Variants in OPRM1 observed in about 807,000 individuals in gnomAD.
The protein encoded by OPRM1 is mu-type opioid receptor.
A neutral mutation model predicts 31.8 loss-of-function variants in OPRM1; 27 were observed. The ratio of observed to expected loss-of-function variants is 0.85; its 90% CI spans 0.63 to 1.17. The LOEUF (loss-of-function observed/expected upper bound fraction) is 1.17. Ranked by LOEUF, OPRM1 falls within the 50% of genes most tolerant of loss-of-function variation. OPRM1 has a pLI of 0.00. For synonymous variants in OPRM1, 196 were observed against 189.9 expected (o/e 1.03, Z -0.26); for missense variants, 536 against 511.1 (o/e 1.05, Z -0.47).
At chr6:154,203,990 A>G (rs1777281313) in intron 3 of OPRM1, among the ~76,000 whole-genome samples, 1 of 152,210 alleles carries the variant, frequency 6.6e-6, no homozygotes, top group African/African-American at 2.4e-5. Flanking sequence ...CTCAGATAAA[A>G]GTATTATTTT....
At chr6:154,061,260 T>G (rs113237866) in intron 1 of OPRM1, among the ~76,000 whole-genome samples, 2 of 152,090 alleles carry the variant, frequency 1.3e-5, no homozygotes, top group Admixed American at 1.3e-4. Context: ...TAGAACAAAT[T>G]TGGAATAATT....
At chr6:154,078,468 G>A (rs944321775) in intron 1 of OPRM1, among the ~76,000 whole-genome samples, 6 of 152,170 alleles carry the variant, frequency 3.9e-5, no homozygotes, top group Admixed American at 3.9e-4. Context: ...GCAAATGACT[G>A]TCAATTCCAT....
intron 1 of OPRM1, among the ~76,000 whole-genome samples, chr6:154,076,912 G>A (rs1397902936): frequency 1.3e-5 from 2 of 151,398 alleles, no homozygotes; most frequent in African/African-American, 4.9e-5. Flanking sequence ...TAGAATTCAG[G>A]TCCATGAATG....
Position 154,168,586 on chromosome 6 carries a change from T to A in OPRM1, c.1164+77114T>A, listed in dbSNP as rs9478510. ...GGTTAGGACGTCAACATACGAATTT[T>A]ATTAATTAATTAATTAATTTTATTA... On this transcript the variant is annotated intron_variant, in intron 3 of 3. Transcript: ENST00000337049. The surrounding 1 kb of genome is among the most constrained non-coding windows in gnomAD (Gnocchi z 4.1). Among the ~76,000 whole-genome samples the A allele has an allele frequency of 0.083, 12,630 of 152,134 alleles. 737 individuals are homozygous for A. The highest frequency in any genetic ancestry group is 0.16 in the African/African-American group (6,529 of 41,484).
Position 154,221,243 on chromosome 6 carries a change from T to C in OPRM1, c.1165-25450T>C. 2.5e-6 allele frequency: 4 copies of C among 1,609,636 alleles called. No individual in the cohort carries two copies. In the South Asian group the frequency reaches 4.4e-5, roughly 18 times the overall value. ...TCCCATTAAGGATGGGGTTTACCAGTTTCCTCTACTTACACGTTCATTTCC... is the reference window on the plus strand; with the variant it reads ...TCCCATTAAGGATGGGGTTTACCAGCTTCCTCTACTTACACGTTCATTTCC... On this transcript the variant is annotated intron_variant, in intron 3 of 3. Coordinates refer to the OPRM1 transcript ENST00000337049.
intron 3 of OPRM1, among the ~76,000 whole-genome samples, chr6:154,202,137 C>T (rs950808): frequency 0.68 from 104,013 of 152,066 alleles, 36,405 homozygotes; most frequent in East Asian, 0.89. Context: ...ATGCTAGACA[C>T]GGATTGTCAG....
intron 3 of OPRM1, among the ~76,000 whole-genome samples, chr6:154,183,942 C>T (rs1185580984): frequency 6.6e-6 from 1 of 151,294 alleles, no homozygotes; most frequent in Non-Finnish European, 1.5e-5. Context: ...AAAACACAAA[C>T]AGGAAAAGAA....
rs574851673 is a variant in OPRM1, at chr6:154,110,575, C to T, written c.1165-8108C>T. 20 of 579,504 alleles carry T rather than the reference C, an allele frequency of 3.5e-5. No homozygotes were observed. In the East Asian group the frequency reaches 6.2e-4, roughly 18 times the overall value. 35.9% of individuals were successfully genotyped at this position (579,504 alleles called of 1,614,324 possible). A position where few individuals can be genotyped will look rare whatever the true frequency, so the allele number is the denominator to read the frequency against. On this transcript the variant is annotated intron_variant, in intron 3 of 3. Transcript: ENST00000330432. ...CCCTTCACAAGCAGGAGTTTCCGAG[C>T]TCTTTTGACTGCTCAAGAATTAGGA...
chr6:154,179,902 C>T (rs12190910), intron 3 of OPRM1, among the ~76,000 whole-genome samples: 11,951 of 152,122 alleles, frequency 0.079, 967 homozygotes, highest in East Asian at 0.42. Flanking sequence ...TTGAGTTCAT[C>T]TGGGATTGTG....
intron 3 of OPRM1, among the ~76,000 whole-genome samples, chr6:154,245,542 T>C (rs557860282): frequency 6.6e-6 from 1 of 152,364 alleles, no homozygotes; most frequent in East Asian, 1.9e-4. Flanking sequence ...ACAAACAATA[T>C]GCAGTACTTA....
chr6:154,102,764 A>G (rs1470922297), intron 3 of OPRM1, among the ~76,000 whole-genome samples: 1 of 152,194 alleles, frequency 6.6e-6, no homozygotes, highest in Non-Finnish European at 1.5e-5. Context: ...ATTTTGTTCA[A>G]TAGCTGGAGA....
At chr6:154,192,318 C>CTGTGTGTTTGTGTG (rs374502866) in intron 3 of OPRM1, among the ~76,000 whole-genome samples, 2,289 of 148,122 alleles carry the variant, frequency 0.015, 64 homozygotes, top group African/African-American at 0.046. Flanking sequence ...CACGTGGTTA[C>CTGTGTGTTTGTGTG]TGTGTGTGTG....
At chr6:154,055,537 A>G (rs924374699) in intron 1 of OPRM1, among the ~76,000 whole-genome samples, 2 of 152,276 alleles carry the variant, frequency 1.3e-5, no homozygotes, top group South Asian at 4.1e-4. Context: ...GGTCAGATAT[A>G]TTATCCATTA....
At chr6:154,065,091 G>A (rs557523190) in intron 1 of OPRM1, among the ~76,000 whole-genome samples, 2 of 151,352 alleles carry the variant, frequency 1.3e-5, no homozygotes, top group South Asian at 2.1e-4. Context: ...CATCTTAACA[G>A]TATTACATTT....
At chr6:154,206,396 G>A (rs150114528) in intron 3 of OPRM1, among the ~76,000 whole-genome samples, 1 of 152,236 alleles carries the variant, frequency 6.6e-6, no homozygotes, top group Non-Finnish European at 1.5e-5. Context: ...AATTTGCGGG[G>A]GTTGTGGATG....
chr6:154,145,087 G>C (rs1284396110), intron 3 of OPRM1, among the ~76,000 whole-genome samples: 1 of 152,094 alleles, frequency 6.6e-6, no homozygotes, highest in Non-Finnish European at 1.5e-5. Flanking sequence ...AACAAAGCAA[G>C]GATGTCCACC....
intron 3 of OPRM1, among the ~76,000 whole-genome samples, chr6:154,116,336 C>A (rs980651231): frequency 6.6e-6 from 1 of 152,010 alleles, no homozygotes; most frequent in African/African-American, 2.4e-5. Flanking sequence ...CCTGTAATCC[C>A]ACCATTTTGA....
intron 3 of OPRM1, among the ~76,000 whole-genome samples, chr6:154,144,641 G>A (rs1798312381): frequency 6.6e-6 from 1 of 151,642 alleles, no homozygotes; most frequent in Non-Finnish European, 1.5e-5. Flanking sequence ...CCAGCTACTG[G>A]GGAGGCTGTA....
chr6:154,107,013 T>C lies in OPRM1; in HGVS notation c.1165-11670T>C, dbSNP rs545380624. On this transcript the variant is annotated intron_variant, in intron 3 of 3. Coordinates refer to ENST00000330432, the MANE Select transcript of OPRM1 (RefSeq NM_000914.5). ...ATATTCTATTTTTCTGCTGAAATAC[T>C]TCATTTAAAGGCTTATATTTCTAAG... Among the ~76,000 whole-genome samples the C allele has an allele frequency of 2.0e-5, 3 of 152,354 alleles. No homozygotes were observed. The East Asian group carries it at 5.8e-4, about 29-fold the overall frequency.
Sources: allele counts gnomAD v4.1 joint callset (sites outside exome capture counted in the v4.1 genomes callset), GRCh38; gene constraint gnomAD v4.1.1; non-coding constraint Gnocchi (gnomAD v3.1); transcripts MANE v1.5; gene names NCBI Gene and HGNC (gene_info 2026-07-23, HGNC 2026-07-21).